Variants in INO80 observed in about 807,000 individuals in gnomAD.
INO80 encodes the protein chromatin-remodeling ATPase INO80.
A neutral mutation model predicts 203.4 loss-of-function variants in INO80; 20 were observed. That is an observed-to-expected ratio of 0.10 (90% CI 0.07 to 0.14). The LOEUF is 0.14. Among genes scored for constraint, INO80 ranks in the 10% least tolerant of loss-of-function variants. The pLI is 1.00. For missense variants in INO80, 1,419 were observed against 1,914.4 expected (o/e 0.74, Z 4.83); for synonymous variants, 726 against 685.2 (o/e 1.06, Z -0.93).
At chr15:40,994,749 T>C (rs1170767480) in intron 29 of INO80, among the ~76,000 whole-genome samples, 1 of 152,204 alleles carries the variant, frequency 6.6e-6, no homozygotes, top group East Asian at 1.9e-4. Context: ...ACTATGAAGA[T>C]AGAAATGGAA....
In INO80 at chr15:40,987,875, G is replaced by A. The variant is rs375440319; in HGVS notation, c.3670C>T (p.Leu1224Phe). 3.8e-5 allele frequency: 62 copies of A among 1,614,068 alleles called. No individual in the cohort carries two copies. Among genetic ancestry groups the A allele is most frequent in the Non-Finnish European group, 5.1e-5 (60 of 1,180,022 alleles). ...GQTKQVTVYRLICKGTIEERI... is the reference protein window; with the variant it reads ...GQTKQVTVYRFICKGTIEERI... ...TCTTCAATGGTGCCTTTACAGATGA[G>A]CCGGTACACAGTAACCTGCTTTGTC... The change falls in exon 30 of 36, where the codon CTC (leucine) becomes TTC (phenylalanine). Residue 1224 changes from leucine to phenylalanine, a missense_variant. Around this residue, in one of 9 missense-constraint regions of INO80, gnomAD observed 65 missense variants for 186.7 expected, o/e 0.35. Coordinates refer to ENST00000648947, the MANE Select transcript of INO80 (RefSeq NM_017553.3).
chr15:40,988,836 GAA>G (rs1167793135), intron 29 of INO80, among the ~76,000 whole-genome samples: 1 of 152,202 alleles, frequency 6.6e-6, no homozygotes, highest in African/African-American at 2.4e-5. Context: ...CTAACATGGT[GAA>G]ACCCCATCTC....
At chr15:41,008,538 G>A (rs1190722175) in intron 27 of INO80, among the ~76,000 whole-genome samples, 6 of 152,086 alleles carry the variant, frequency 3.9e-5, no homozygotes, top group African/African-American at 1.2e-4. Context: ...ATATTGTATC[G>A]TATATGTGAA....
At chr15:41,111,345 C>G (rs542970301) in intron 1 of INO80, among the ~76,000 whole-genome samples, 1 of 152,240 alleles carries the variant, frequency 6.6e-6, no homozygotes, top group South Asian at 2.1e-4. Context: ...ACTCAGGAGG[C>G]TGAGGCAGGA....
At chr15:40,994,905 G>C (rs888147826) in intron 29 of INO80, among the ~76,000 whole-genome samples, 2 of 151,956 alleles carry the variant, frequency 1.3e-5, no homozygotes, top group Non-Finnish European at 1.5e-5. Flanking sequence ...ACTTAGGCTG[G>C]AGTGCAGTGG....
At chr15:41,099,255 A>AAC (rs2045770125) in intron 1 of INO80, among the ~76,000 whole-genome samples, 1 of 135,636 alleles carries the variant, frequency 7.4e-6, no homozygotes, top group African/African-American at 2.6e-5. Flanking sequence ...AAAAAAAAAA[A>AAC]AAAAAAAAAA....
chr15:41,040,495 G>A (rs2044649881), intron 24 of INO80, among the ~76,000 whole-genome samples: 1 of 152,194 alleles, frequency 6.6e-6, no homozygotes, highest in Admixed American at 6.5e-5. Context: ...ACGGGATATG[G>A]AGAGAAATAG....
chr15:41,053,913 G>A lies in INO80; in HGVS notation c.2274+16C>T. 9 of 1,596,416 alleles carry A rather than the reference G, an allele frequency of 5.6e-6. No homozygotes were observed. The highest frequency in any genetic ancestry group is 7.7e-6 in the Non-Finnish European group (9 of 1,164,622). On this transcript the variant is annotated intron_variant, in intron 19 of 35. Coordinates refer to ENST00000648947, the MANE Select transcript of INO80 (RefSeq NM_017553.3). The stretch of plus-strand genomic sequence containing the variant: ...TGCCTATTGAGGCTTAAACACATGA[G>A]GTCTTCTTTACTTACCTTGTCAGAT...
rs1411937109 is a variant in INO80, at chr15:41,000,905, G to A, written c.3498-3304C>T. On this transcript the variant is annotated intron_variant, in intron 28 of 35. Transcript: ENST00000648947. ...ACTTAGAAATACAATGGTTTCTTTT[G>A]GATATCAATTATGTATTGAAAAGAT... Among the ~76,000 whole-genome samples, 3 of 151,810 alleles carry A rather than the reference G, an allele frequency of 2.0e-5. No individual in the cohort carries two copies. In the East Asian group the frequency reaches 5.8e-4, roughly 29 times the overall value.
At chr15:41,113,564 G>A (rs549603672) in intron 1 of INO80, among the ~76,000 whole-genome samples, 1 of 152,188 alleles carries the variant, frequency 6.6e-6, no homozygotes, top group Admixed American at 6.5e-5. Context: ...CACCGCACCC[G>A]GCCAACAAAC....
At chr15:41,035,103 A>G (rs1481757191) in intron 24 of INO80, among the ~76,000 whole-genome samples, 1 of 152,242 alleles carries the variant, frequency 6.6e-6, no homozygotes, top group African/African-American at 2.4e-5. Flanking sequence ...ACAGAGCACA[A>G]GGATAGAGTC....
intron 12 of INO80, among the ~76,000 whole-genome samples, chr15:41,071,448 CTTTTTTTTTTTTT>C (rs747609865): frequency 2.3e-5 from 2 of 87,062 alleles, no homozygotes; most frequent in Admixed American, 1.3e-4. Context: ...TACTCATTTC[CTTTTTTTTTTTTT>C]TTTTTTTTTT....
At chr15:41,028,515 G>T (rs1299734104) in intron 24 of INO80, among the ~76,000 whole-genome samples, 3 of 152,118 alleles carry the variant, frequency 2.0e-5, no homozygotes, top group Admixed American at 1.3e-4. Flanking sequence ...TCAATACAAG[G>T]GGTCAGTAAC....
At chr15:41,009,131 A>G (rs6492977) in intron 27 of INO80, among the ~76,000 whole-genome samples, 145,835 of 152,342 alleles carry the variant, frequency 0.96, 70,128 homozygotes, top group East Asian at 1. Context: ...CACACCTGGC[A>G]TAACGTGCGT....
At chr15:41,062,668 G>T (rs958960483) in intron 14 of INO80, among the ~76,000 whole-genome samples, 2 of 152,162 alleles carry the variant, frequency 1.3e-5, no homozygotes, top group African/African-American at 4.8e-5. Flanking sequence ...GGGTGAGAAG[G>T]TCATGGGGGC....
intron 14 of INO80, among the ~76,000 whole-genome samples, chr15:41,062,157 T>C (rs1295424976): frequency 6.6e-6 from 1 of 152,178 alleles, no homozygotes; most frequent in Non-Finnish European, 1.5e-5. Flanking sequence ...ATAAAAAGTA[T>C]ACAAAACCTA....
At chr15:41,069,532 T>G in intron 14 of INO80, 38 bp downstream of exon 14, 1 of 1,222,150 alleles carries the variant, frequency 8.2e-7, no homozygotes, top group South Asian at 1.3e-5. Flanking sequence ...AAGTTTATTT[T>G]AAAGAGCAAT....
intron 28 of INO80, among the ~76,000 whole-genome samples, chr15:40,998,161 A>AT (rs2043906772): frequency 6.6e-6 from 1 of 151,624 alleles, no homozygotes; most frequent in South Asian, 2.1e-4. Context: ...AGCTGGGACT[A>AT]TAGGCGCTCG....
chr15:41,073,109 T>C (rs2045350519), intron 11 of INO80, among the ~76,000 whole-genome samples: 2 of 152,044 alleles, frequency 1.3e-5, no homozygotes, highest in Admixed American at 1.3e-4. Context: ...ACATCTATGA[T>C]ACATTTCATA....
Sources: allele counts gnomAD v4.1 joint callset (sites outside exome capture counted in the v4.1 genomes callset), GRCh38; gene constraint gnomAD v4.1.1; regional missense constraint gnomAD v4.1.1; transcripts MANE v1.5; gene names NCBI Gene and HGNC (gene_info 2026-07-23, HGNC 2026-07-21).